Variants in SEMA5B observed in about 807,000 individuals in gnomAD.
The protein encoded by SEMA5B is semaphorin-5B.
SEMA5B carries 66 observed loss-of-function variants against 135.0 expected under a neutral mutation model. That is an observed-to-expected ratio of 0.49 (90% CI 0.40 to 0.60). The LOEUF is 0.60. Ranked by LOEUF, SEMA5B falls within the 20% of genes least tolerant of loss-of-function variation. SEMA5B has a pLI of 0.00. For synonymous variants in SEMA5B, 690 were observed against 639.5 expected (o/e 1.08, Z -1.19); for missense variants, 1,501 against 1,566.3 (o/e 0.96, Z 0.70).
At chr3:122,966,838 G>A (rs1048902914) in intron 1 of SEMA5B, among the ~76,000 whole-genome samples, 36 of 148,392 alleles carry the variant, frequency 2.4e-4, no homozygotes, top group East Asian at 5.9e-4. Flanking sequence ...AATTACAGGC[G>A]TGAGCCACCA....
intron 1 of SEMA5B, among the ~76,000 whole-genome samples, chr3:122,991,470 C>T (rs758610405): frequency 5.3e-5 from 8 of 151,972 alleles, no homozygotes; most frequent in Non-Finnish European, 1.0e-4. Context: ...AATGAAGGTG[C>T]TACTGGCATC....
chr3:122,966,096 A>C (rs772489083), intron 1 of SEMA5B, among the ~76,000 whole-genome samples: 5 of 151,898 alleles, frequency 3.3e-5, no homozygotes, highest in Middle Eastern at 6.8e-3. Flanking sequence ...ATGCTGGAAC[A>C]CCTCTCCCCT....
chr3:122,915,658 C>A, intron 13 of SEMA5B, 37 bp from the exon 14 acceptor site: 1 of 1,601,228 alleles, frequency 6.2e-7, no homozygotes, highest in South Asian at 1.1e-5. Flanking sequence ...CCCTATTACC[C>A]AAGCCAAGGG....
chr3:122,928,692 G>T, intron 6 of SEMA5B, 77 bp from the exon 7 acceptor site: 1 of 1,069,104 alleles, frequency 9.4e-7, no homozygotes, highest in Non-Finnish European at 1.4e-6. Flanking sequence ...ACACCACTGC[G>T]TCATGGATGC....
intron 1 of SEMA5B, among the ~76,000 whole-genome samples, chr3:123,022,214 T>C (rs186351550): frequency 6.6e-6 from 1 of 152,274 alleles, no homozygotes; most frequent in East Asian, 1.9e-4. Flanking sequence ...CCCCACTCTG[T>C]AACTGAAACC....
At chr3:122,991,872 T>C (rs1213711745) in intron 1 of SEMA5B, among the ~76,000 whole-genome samples, 3 of 152,108 alleles carry the variant, frequency 2.0e-5, no homozygotes, top group African/African-American at 7.2e-5. Flanking sequence ...AAGACCATAC[T>C]ATCACAAAGG....
At chr3:122,928,732 C>T in intron 6 of SEMA5B, 117 bp from the exon 7 acceptor site, 1 of 818,692 alleles carries the variant, frequency 1.2e-6, no homozygotes, top group Non-Finnish European at 2.0e-6. Flanking sequence ...TCCCCTTGAC[C>T]CCAGATCCAC....
At chr3:123,024,754 G>A (rs933507918) in intron 1 of SEMA5B, among the ~76,000 whole-genome samples, 13 of 152,172 alleles carry the variant, frequency 8.5e-5, no homozygotes, top group African/African-American at 2.9e-4. Context: ...TATATCCAAG[G>A]CAGATGAGCT....
At position 122,999,542 on chromosome 3, in the gene SEMA5B, T is replaced by TC. The variant is rs541093204; in HGVS notation, c.-39+27921_-39+27922insG. Among the ~76,000 whole-genome samples the TC allele has an allele frequency of 2.1e-3, 317 of 152,112 alleles. 1 individual carries two copies. Among genetic ancestry groups the TC allele is most frequent in the African/African-American group, 7.2e-3 (298 of 41,522 alleles). Reference sequence around the variant, plus strand: ...GCCCGGCCTTAAGTAGATTTTTTTTTTTTTAAACCCACCAAAGATAACGAC... The same window carrying TC: ...GCCCGGCCTTAAGTAGATTTTTTTTTCTTTTAAACCCACCAAAGATAACGAC... On this transcript the variant is annotated intron_variant, in intron 1 of 22. Coordinates refer to ENST00000357599, the MANE Select transcript of SEMA5B (RefSeq NM_001031702.4).
intron 2 of SEMA5B, among the ~76,000 whole-genome samples, chr3:122,952,659 T>G: frequency 6.6e-6 from 1 of 152,192 alleles, no homozygotes; most frequent in East Asian, 1.9e-4. Flanking sequence ...CACTTCCTTT[T>G]GCCCTCTGAC....
rs375835171 is a variant in SEMA5B, at chr3:122,911,036, A to G, written c.3101T>C (p.Leu1034Pro). Residue 1034 changes from leucine to proline, a missense_variant, in exon 22 of 23, where the codon CTC becomes CCC. Physicochemically the swap from Leu to Pro is moderately conservative, Grantham distance 98. Transcript: ENST00000357599. The stretch of plus-strand genomic sequence containing the variant: ...GATGCCCGTGGCCACCAAGTGGATG[A>G]GATTGAACCCTAGGGGAAGAGAGGC... ...EEATDCAGFN[L>P]IHLVATGISC... 20 of 1,612,252 alleles carry G rather than the reference A, an allele frequency of 1.2e-5. No individual in the cohort carries two copies. The highest frequency in any genetic ancestry group is 6.7e-5 in the Admixed American group (4 of 59,948).
intron 5 of SEMA5B, among the ~76,000 whole-genome samples, chr3:122,933,618 A>C (rs971163783): frequency 2.0e-5 from 3 of 152,028 alleles, no homozygotes; most frequent in Non-Finnish European, 4.4e-5. Flanking sequence ...ACGTTAGTTC[A>C]TCCTTAATTT....
chr3:122,999,500 C>G (rs1942116899), intron 1 of SEMA5B, among the ~76,000 whole-genome samples: 1 of 152,030 alleles, frequency 6.6e-6, no homozygotes, highest in African/African-American at 2.4e-5. Context: ...GCTGGGATTA[C>G]AGGAGTGAGC....
chr3:122,928,981 G>T lies in SEMA5B; in HGVS notation c.537+15C>A, dbSNP rs764025792. 3.7e-6 allele frequency: 6 copies of T among 1,611,098 alleles called. No homozygotes were observed. The South Asian group carries it at 4.4e-5, about 12-fold the overall frequency. ...CAGCTCCAGGTGGGGCCCCTGGACC[G>T]CCGAGACCACGTACCTCAGTCTTCC... On this transcript the variant is annotated intron_variant, in intron 6 of 22. Coordinates refer to ENST00000357599, the MANE Select transcript of SEMA5B (RefSeq NM_001031702.4).
rs112133383 is a variant in SEMA5B, at chr3:122,913,486, G to T, written c.2280+48C>A. ...GGCCTCCAGGCCCGCCCTCCCCTCG[G>T]CTCCAGTACCCTACACCGCGCCCCT... On this transcript the variant is annotated intron_variant, in intron 16 of 22. Coordinates refer to ENST00000357599, the MANE Select transcript of SEMA5B (RefSeq NM_001031702.4). The T allele has an allele frequency of 9.3e-5, 148 of 1,583,134 alleles. No homozygotes were observed. The African/African-American group carries it at 1.7e-3, about 18-fold the overall frequency.
At position 122,913,358 on chromosome 3, in the gene SEMA5B, G is replaced by A. The variant is rs754594612; in HGVS notation, c.2347C>T (p.Leu783=). Residue 783 remains leucine, a synonymous_variant, in exon 17 of 23, where the codon CTG becomes TTG. Transcript: ENST00000357599. ...CCGCCCTGCGTCACGTTCACGGGCA[G>A]CCACGGCGTCCAGGGGGTGTTGCGC... ...VRRNTPWTPW[L]PVNVTQGGAR... is the part of the protein sequence containing the mutation. 2.5e-5 allele frequency: 39 copies of A among 1,582,978 alleles called. No individual in the cohort carries two copies.
At chr3:122,957,576 C>A (rs541676170) in intron 2 of SEMA5B, among the ~76,000 whole-genome samples, 2 of 152,328 alleles carry the variant, frequency 1.3e-5, no homozygotes, top group South Asian at 4.1e-4. Flanking sequence ...CAACCTACGA[C>A]CCTAAAAGAT....
chr3:122,924,319 C>T (rs17215029), intron 9 of SEMA5B, among the ~76,000 whole-genome samples: 38,861 of 152,094 alleles, frequency 0.26, 6,333 homozygotes, highest in Non-Finnish European at 0.38. Context: ...AGAGAGGAAA[C>T]CACCATACCA....
Position 122,912,015 on chromosome 3 carries a change from C to G in SEMA5B, c.2951G>C (p.Ser984Thr). The G allele has an allele frequency of 6.2e-7, 1 of 1,613,830 alleles. No individual in the cohort carries two copies. The highest frequency in any genetic ancestry group is 1.3e-5 in the African/African-American group (1 of 75,050). Residue 984 changes from serine to threonine, a missense_variant, in exon 20 of 23, where the codon AGC becomes ACC. Ser to Thr is a moderately conservative substitution (Grantham distance 58, BLOSUM62 1). Around this residue, in one of 2 missense-constraint regions of SEMA5B, gnomAD observed 927 missense variants for 881.6 expected, o/e 1.05. Coordinates refer to ENST00000357599, the MANE Select transcript of SEMA5B (RefSeq NM_001031702.4). Reference protein sequence around the residue: ...WSKCTDDGAQSRSRHCEELLP... With the variant: ...WSKCTDDGAQTRSRHCEELLP... ...GAGCTCCTCACAGTGCCGGCTTCGG[C>G]TCTGGGCTCCGTCGTCAGTGCACTT...
Sources: gnomAD v4.1 joint callset for allele counts (sites outside exome capture counted in the v4.1 genomes callset) on GRCh38, gnomAD v4.1.1 for gene constraint, gnomAD v4.1.1 regional missense constraint, MANE v1.5 for transcripts, NCBI Gene and HGNC (gene_info 2026-07-23, HGNC 2026-07-21) for gene names.